Variants in PDZRN4 observed in about 807,000 individuals in gnomAD.
PDZRN4 encodes the protein PDZ domain-containing RING finger protein 4.
Under a neutral mutation model 99.0 loss-of-function variants are expected in PDZRN4, and 70 were observed. The ratio of observed to expected loss-of-function variants is 0.71; its 90% CI spans 0.58 to 0.86. The LOEUF (loss-of-function observed/expected upper bound fraction) is 0.86, where lower values mean the gene tolerates loss of function less well. Among genes scored for constraint, PDZRN4 ranks in the 40% least tolerant of loss-of-function variants. PDZRN4 has a pLI of 0.00. For synonymous variants in PDZRN4, 551 were observed against 501.6 expected (o/e 1.10, Z -1.32); for missense variants, 1,474 against 1,331.2 (o/e 1.11, Z -1.67).
At chr12:41,366,433 C>CTA (rs2121070589) in intron 3 of PDZRN4, among the ~76,000 whole-genome samples, 1 of 152,188 alleles carries the variant, frequency 6.6e-6, no homozygotes, top group South Asian at 2.1e-4. Flanking sequence ...ATGACTGCAT[C>CTA]TAAATATAAG....
intron 3 of PDZRN4, among the ~76,000 whole-genome samples, chr12:41,204,922 C>T (rs190384958): frequency 5.3e-5 from 8 of 152,018 alleles, no homozygotes; most frequent in African/African-American, 1.9e-4. Flanking sequence ...TTGCAATTTA[C>T]TTCATATGGT....
intron 3 of PDZRN4, among the ~76,000 whole-genome samples, chr12:41,402,078 A>T (rs1952292717): frequency 9.4e-6 from 1 of 106,514 alleles, no homozygotes; most frequent in Non-Finnish European, 1.8e-5. Context: ...AGGAAAAGAA[A>T]AAAAAAAAGA....
At chr12:41,209,278 G>A (rs182808378) in intron 3 of PDZRN4, among the ~76,000 whole-genome samples, 76 of 151,590 alleles carry the variant, frequency 5.0e-4, no homozygotes, top group African/African-American at 1.8e-3. Context: ...TGAAAATTAG[G>A]CATCATTTTC....
chr12:41,410,209 G>A (rs59662716), intron 3 of PDZRN4, among the ~76,000 whole-genome samples: 3 of 151,994 alleles, frequency 2.0e-5, no homozygotes, highest in Non-Finnish European at 4.4e-5. Context: ...TTTCTAACAC[G>A]ATTTTTCATG....
chr12:41,394,107 C>G (rs1046255082), intron 3 of PDZRN4, among the ~76,000 whole-genome samples: 47 of 152,126 alleles, frequency 3.1e-4, no homozygotes, highest in African/African-American at 1.1e-3. Flanking sequence ...GGGCCTTGTT[C>G]TGGGTTGCAG....
intron 3 of PDZRN4, among the ~76,000 whole-genome samples, chr12:41,402,282 T>A (rs11180891): frequency 1 from 5,335 of 5,346 alleles, 2,662 homozygotes; most frequent in Middle Eastern, 1. Flanking sequence ...ATACACACTG[T>A]GTATATATAT....
At chr12:41,283,331 A>G (rs533556778) in intron 3 of PDZRN4, among the ~76,000 whole-genome samples, 1 of 152,296 alleles carries the variant, frequency 6.6e-6, no homozygotes, top group South Asian at 2.1e-4. Flanking sequence ...AAATCCCTGA[A>G]TAGAACAAAA....
At chr12:41,220,516 C>G (rs1950947961) in intron 3 of PDZRN4, among the ~76,000 whole-genome samples, 1 of 152,138 alleles carries the variant, frequency 6.6e-6, no homozygotes, top group African/African-American at 2.4e-5. Flanking sequence ...AGAATCCTCA[C>G]TACTTAGAGG....
chr12:41,491,757 TAA>T (rs55930650), intron 3 of PDZRN4, among the ~76,000 whole-genome samples: 8,268 of 152,224 alleles, frequency 0.054, 297 homozygotes, highest in Middle Eastern at 0.095. Context: ...CATTATATTA[TAA>T]ACTGATTAAG....
chr12:41,300,058 G>A (rs1218590301), intron 3 of PDZRN4, among the ~76,000 whole-genome samples: 1 of 151,698 alleles, frequency 6.6e-6, no homozygotes. Context: ...ATGTATAGAT[G>A]TATTTATTTG....
chr12:41,356,288 A>G (rs573573846), intron 3 of PDZRN4, among the ~76,000 whole-genome samples: 53 of 152,196 alleles, frequency 3.5e-4, no homozygotes, highest in Non-Finnish European at 6.3e-4. Context: ...TGGATTCAAT[A>G]TTAGAAAACT....
chr12:41,196,120 A>C lies in PDZRN4; in HGVS notation c.843+1932A>C, dbSNP rs564413059. 1.0e-3 allele frequency among the ~76,000 whole-genome samples: 152 copies of C among 152,216 alleles called. 4 individuals carry two copies. The South Asian group carries it at 0.03, about 30-fold the overall frequency. On this transcript the variant is annotated intron_variant, in intron 3 of 9. Coordinates refer to ENST00000402685, the MANE Select transcript of PDZRN4 (RefSeq NM_001164595.2). ...ACCTACTGTTTTTTTTAAAGAGGTAATTTTATAAAACTATGGTTGAAAATC... is the reference window on the plus strand; with the variant it reads ...ACCTACTGTTTTTTTTAAAGAGGTACTTTTATAAAACTATGGTTGAAAATC...
At chr12:41,395,091 C>G (rs1472346673) in intron 3 of PDZRN4, among the ~76,000 whole-genome samples, 1 of 152,142 alleles carries the variant, frequency 6.6e-6, no homozygotes, top group Non-Finnish European at 1.5e-5. Flanking sequence ...CCTGTCCAGG[C>G]TCCCAAAAGT....
intron 3 of PDZRN4, among the ~76,000 whole-genome samples, chr12:41,462,705 G>A (rs1394339379): frequency 7.2e-5 from 11 of 152,156 alleles, no homozygotes; most frequent in Non-Finnish European, 1.6e-4. Context: ...AATTTTAGAT[G>A]AGGGGGAGAC....
intron 5 of PDZRN4, among the ~76,000 whole-genome samples, chr12:41,531,197 C>A (rs547793763): frequency 6.6e-6 from 1 of 152,194 alleles, no homozygotes; most frequent in Non-Finnish European, 1.5e-5. Flanking sequence ...AGAATGAGTG[C>A]AAGGTTTTAT....
At chr12:41,389,537 G>A (rs1017037856) in intron 3 of PDZRN4, among the ~76,000 whole-genome samples, 1 of 152,072 alleles carries the variant, frequency 6.6e-6, no homozygotes, top group African/African-American at 2.4e-5. Context: ...TGTTTATCTT[G>A]ACTTTAGTCT....
intron 3 of PDZRN4, among the ~76,000 whole-genome samples, chr12:41,427,957 A>G (rs1055406779): frequency 3.9e-5 from 6 of 152,164 alleles, no homozygotes; most frequent in South Asian, 2.1e-4. Flanking sequence ...GCATGGTGGC[A>G]GGTGCTTGTA....
intron 3 of PDZRN4, among the ~76,000 whole-genome samples, chr12:41,350,727 C>A (rs1951883961): frequency 6.6e-6 from 1 of 152,056 alleles, no homozygotes; most frequent in East Asian, 1.9e-4. Flanking sequence ...GTAATAGTAG[C>A]TTAGAAAGTT....
chr12:41,570,892 A>G (rs891769733), intron 9 of PDZRN4, among the ~76,000 whole-genome samples: 1 of 152,190 alleles, frequency 6.6e-6, no homozygotes, highest in African/African-American at 2.4e-5. Context: ...TTCCAGGGAA[A>G]GAAAGATTGA....
Sources: allele counts gnomAD v4.1 joint callset (sites outside exome capture counted in the v4.1 genomes callset), GRCh38; gene constraint gnomAD v4.1.1; transcripts MANE v1.5; gene names NCBI Gene and HGNC (gene_info 2026-07-23, HGNC 2026-07-21).